Variants in TBC1D31 observed in about 807,000 individuals in gnomAD.
TBC1D31 encodes WD repeat domain 67.
In TBC1D31, 99 loss-of-function variants were observed where a neutral mutation model predicts 132.9. The observed-to-expected ratio is 0.74, with a 90% CI of 0.63 to 0.88. TBC1D31 has a LOEUF of 0.88. Among genes scored for constraint, TBC1D31 ranks in the 40% least tolerant of loss-of-function variants. TBC1D31 has a pLI of 0.00. For missense variants in TBC1D31, 1,134 were observed against 1,256.6 expected, an observed-to-expected ratio of 0.90 and a Z score of 1.48; for synonymous variants, 385 against 419.4, an observed-to-expected ratio of 0.92 and a Z score of 1.00.
Position 123,120,148 on chromosome 8 carries a change from C to T in TBC1D31, c.1530C>T (p.Asn510=). The change falls in exon 11 of 22, where the codon AAC becomes AAT. Residue 510 remains asparagine (N), a synonymous_variant. Transcript: ENST00000287380. ...LAFPFVKLFQ[N]NQLICFEVIA... is the part of the protein sequence containing the mutation. ...TTCCATTTGTAAAATTATTCCAGAA[C>T]AACCAACTCATCTGTTTTGAAGTTA... The T allele has an allele frequency of 6.2e-7, 1 of 1,609,944 alleles. No individual in the cohort carries two copies. The highest frequency in any genetic ancestry group is 2.2e-5 in the East Asian group (1 of 44,776).
At chr8:123,077,077 A>T in intron 1 of TBC1D31, 34 bp from the exon 2 acceptor site, 1 of 1,553,494 alleles carries the variant, frequency 6.4e-7, no homozygotes, top group Non-Finnish European at 8.7e-7. Flanking sequence ...AATACGTGAC[A>T]TAGATTCAAT....
chr8:123,107,543 C>T (rs554195470), intron 8 of TBC1D31, among the ~76,000 whole-genome samples: 2 of 152,286 alleles, frequency 1.3e-5, no homozygotes, highest in African/African-American at 2.4e-5. Context: ...GGCAATGTTG[C>T]TCCTATTTAA....
chr8:123,089,192 T>C (rs181714705), intron 4 of TBC1D31, among the ~76,000 whole-genome samples: 23 of 152,154 alleles, frequency 1.5e-4, no homozygotes, highest in African/African-American at 5.3e-4. Context: ...TTGGTGAGTA[T>C]AATGCAAATA....
intron 1 of TBC1D31, chr8:123,073,156 T>G: frequency 2.0e-6 from 1 of 493,188 alleles, no homozygotes; most frequent in Non-Finnish European, 3.8e-6. Flanking sequence ...GGTATCCCGC[T>G]AGTGTCCCTG....
chr8:123,108,901 A>T (rs1455498099), intron 8 of TBC1D31, among the ~76,000 whole-genome samples: 13 of 152,132 alleles, frequency 8.5e-5, no homozygotes, highest in Non-Finnish European at 1.5e-4. Flanking sequence ...ACTGTCAAAC[A>T]CTTAACAAAA....
downstream of TBC1D31, among the ~76,000 whole-genome samples, chr8:123,154,994 T>C (rs1413069772): frequency 6.6e-6 from 1 of 152,206 alleles, no homozygotes; most frequent in Non-Finnish European, 1.5e-5. Flanking sequence ...AGCCCATCAC[T>C]GCAGACCTGA....
intron 20 of TBC1D31, among the ~76,000 whole-genome samples, chr8:123,146,799 C>T (rs1822258807): frequency 6.6e-6 from 1 of 151,960 alleles, no homozygotes; most frequent in African/African-American, 2.4e-5. Flanking sequence ...ATTCTCCTGC[C>T]TCAGCTTCCT....
At chr8:123,158,690 A>C in the TBC1D31 span, among the ~76,000 whole-genome samples, 1 of 152,202 alleles carries the variant, frequency 6.6e-6, no homozygotes, top group Non-Finnish European at 1.5e-5. Flanking sequence ...AGGCAGTATG[A>C]GTACAAGCAG....
chr8:123,140,618 A>G (rs1460524792), intron 17 of TBC1D31, 143 bp from the exon 18 acceptor site: 1 of 669,740 alleles, frequency 1.5e-6, no homozygotes, highest in Non-Finnish European at 2.5e-6. Context: ...ATTTTTGCTG[A>G]TGTCTCCAGT....
chr8:123,091,796 G>A (rs557019095), intron 4 of TBC1D31, among the ~76,000 whole-genome samples: 1 of 152,236 alleles, frequency 6.6e-6, no homozygotes, highest in Admixed American at 6.5e-5. Context: ...ATTAACAAAA[G>A]GAAGCATTGT....
At chr8:123,104,120 T>G (rs1817701740) in intron 7 of TBC1D31, 1 of 152,198 alleles carries the variant, frequency 6.6e-6, no homozygotes, top group South Asian at 2.1e-4. Context: ...GAGGTTATAC[T>G]TCATGGTAGA....
chr8:123,074,112 A>C (rs1251419833), intron 1 of TBC1D31, among the ~76,000 whole-genome samples: 1 of 140,728 alleles, frequency 7.1e-6, no homozygotes, highest in Non-Finnish European at 1.6e-5. Context: ...GCTCACTGCA[A>C]CCTCCGCCTC....
chr8:123,077,014 G>C (rs903319752), intron 1 of TBC1D31, 97 bp from the exon 2 acceptor site: 4 of 1,200,708 alleles, frequency 3.3e-6, no homozygotes, highest in Non-Finnish European at 4.6e-6. Context: ...GTAGGAGAGG[G>C]AAGAATGAAC....
intron 1 of TBC1D31, 143 bp from the exon 2 acceptor site, chr8:123,076,968 G>A: frequency 4.5e-6 from 3 of 671,932 alleles, no homozygotes; most frequent in Non-Finnish European, 7.0e-6. Context: ...ATCCTGGTAA[G>A]ATTGATTCTA....
intron 16 of TBC1D31, among the ~76,000 whole-genome samples, chr8:123,132,024 C>T (rs2130829069): frequency 6.6e-6 from 1 of 152,276 alleles, no homozygotes; most frequent in Middle Eastern, 3.4e-3. Flanking sequence ...AAAGGCAAGT[C>T]AATTGTCCCA....
chr8:123,102,220 CT>C (rs1563699170), intron 7 of TBC1D31: 1 of 456,270 alleles, frequency 2.2e-6, no homozygotes, highest in South Asian at 1.6e-5. Flanking sequence ...TGATGATCAC[CT>C]GGTCTAACCC....
chr8:123,145,711 T>C (rs560006169), intron 20 of TBC1D31, among the ~76,000 whole-genome samples: 1 of 147,386 alleles, frequency 6.8e-6, no homozygotes, highest in Non-Finnish European at 1.5e-5. Flanking sequence ...AAAAAAAGAT[T>C]TCCAAAAATT....
chr8:123,077,374 G>A, intron 2 of TBC1D31, 117 bp downstream of exon 2: 1 of 1,066,614 alleles, frequency 9.4e-7, no homozygotes, highest in Admixed American at 2.9e-5. Context: ...TTATATTTCA[G>A]GTACCTTGCA....
At chr8:123,145,871 C>CTTT (rs57816964) in intron 20 of TBC1D31, among the ~76,000 whole-genome samples, 3 of 133,516 alleles carry the variant, frequency 2.2e-5, no homozygotes, top group Admixed American at 7.6e-5. Flanking sequence ...TTCTCTTTTT[C>CTTT]TTTTTTTTTT....
Sources: allele counts gnomAD v4.1 joint callset (sites outside exome capture counted in the v4.1 genomes callset), GRCh38; gene constraint gnomAD v4.1.1; transcripts MANE v1.5; gene names NCBI Gene and HGNC (gene_info 2026-07-23, HGNC 2026-07-21).